CENPC: variants seen among roughly 807,000 people sequenced by gnomAD.
The protein encoded by CENPC is centromere protein C, also known as CENP-C 1.
CENPC carries 63 observed loss-of-function variants against 112.1 expected under a neutral mutation model. The observed-to-expected ratio is 0.56, with a 90% CI of 0.46 to 0.69. CENPC has a LOEUF of 0.69. Among genes scored for constraint, CENPC ranks in the 30% least tolerant of loss-of-function variants. CENPC has a pLI of 0.00. For missense variants in CENPC, 1,000 were observed against 1,103.8 expected, an observed-to-expected ratio of 0.91 and a Z score of 1.33; for synonymous variants, 333 against 367.6, an observed-to-expected ratio of 0.91 and a Z score of 1.08.
intron 17 of CENPC, among the ~76,000 whole-genome samples, chr4:67,487,913 C>CT (rs998399288): frequency 1.6e-4 from 24 of 151,340 alleles, no homozygotes; most frequent in African/African-American, 5.9e-4. Context: ...TGTTTATTAT[C>CT]TTTTTCAAAA....
At chr4:67,491,501 A>G (rs1331005597) in intron 16 of CENPC, among the ~76,000 whole-genome samples, 4 of 132,946 alleles carry the variant, frequency 3.0e-5, no homozygotes, top group East Asian at 4.8e-4. Flanking sequence ...AGAGAGAGAG[A>G]GAGAGAGAGA....
At chr4:67,486,053 T>C (rs936849435) in intron 17 of CENPC, among the ~76,000 whole-genome samples, 4 of 152,174 alleles carry the variant, frequency 2.6e-5, no homozygotes, top group African/African-American at 9.7e-5. Context: ...CATCCAAAAA[T>C]AATTTGCCTT....
chr4:67,488,256 G>A (rs1349733529), intron 17 of CENPC, among the ~76,000 whole-genome samples: 3 of 149,192 alleles, frequency 2.0e-5, no homozygotes, highest in Non-Finnish European at 4.4e-5. Flanking sequence ...AATGTGCTTA[G>A]TGCAGTACCT....
chr4:67,516,575 T>G (rs1031518813), intron 7 of CENPC, among the ~76,000 whole-genome samples: 15 of 151,964 alleles, frequency 9.9e-5, no homozygotes, highest in African/African-American at 3.6e-4. Flanking sequence ...AAATAGCAAA[T>G]ACTCTAAAAA....
At chr4:67,476,894 G>A (rs185608361) in intron 17 of CENPC, among the ~76,000 whole-genome samples, 12 of 152,288 alleles carry the variant, frequency 7.9e-5, no homozygotes, top group Admixed American at 7.2e-4. Flanking sequence ...CAGTCTGCCA[G>A]CTTCCCCCAC....
intron 8 of CENPC, among the ~76,000 whole-genome samples, chr4:67,512,793 A>T (rs1388177215): frequency 1.3e-5 from 2 of 152,134 alleles, no homozygotes; most frequent in African/African-American, 4.8e-5. Context: ...ACTGCTTGAT[A>T]ACTCTTATAT....
At chr4:67,524,346 G>T (rs1488859666) in intron 5 of CENPC, among the ~76,000 whole-genome samples, 1 of 135,950 alleles carries the variant, frequency 7.4e-6, no homozygotes, top group Non-Finnish European at 1.6e-5. Flanking sequence ...GCAAGAGAAA[G>T]AAATAAAGTG....
chr4:67,545,294 C>G, intron 1 of CENPC, 44 bp downstream of exon 1: 2 of 1,457,588 alleles, frequency 1.4e-6, no homozygotes, highest in Non-Finnish European at 1.8e-6. Context: ...CGTGCCCCAG[C>G]CAGCCGCTCA....
At chr4:67,484,464 CA>C (rs1199258025) in intron 17 of CENPC, among the ~76,000 whole-genome samples, 3 of 152,222 alleles carry the variant, frequency 2.0e-5, no homozygotes, top group African/African-American at 7.2e-5. Context: ...AGGTAAGCAG[CA>C]CGCCAGTGAG....
chr4:67,492,281 A>G lies in CENPC; in HGVS notation c.2420-6T>C. The G allele has an allele frequency of 2.0e-6, 3 of 1,526,316 alleles. No individual in the cohort carries two copies. The highest frequency in any genetic ancestry group is 2.7e-6 in the Non-Finnish European group (3 of 1,123,714). The allele number at this position is 1,526,316 out of a possible 1,614,324, so 94.5% of individuals were successfully genotyped here. A position where few individuals can be genotyped will look rare whatever the true frequency, so the allele number is the denominator to read the frequency against. ...ATTTACCATTAAGTTAGTCTCTGCA[A>G]AAGAAATACCATTGAAATACAAACT... On this transcript the variant is annotated splice_polypyrimidine_tract_variant and splice_region_variant and intron_variant, in intron 15 of 18. Transcript: ENST00000273853.
intron 17 of CENPC, among the ~76,000 whole-genome samples, chr4:67,487,831 C>A (rs1267109466): frequency 6.6e-6 from 1 of 151,616 alleles, no homozygotes; most frequent in Non-Finnish European, 1.5e-5. Context: ...ACCTACTACT[C>A]TTCTCTTTTA....
At chr4:67,489,411 G>T (rs1577976202) in intron 17 of CENPC, among the ~76,000 whole-genome samples, 1 of 151,396 alleles carries the variant, frequency 6.6e-6, no homozygotes, top group Non-Finnish European at 1.5e-5. Flanking sequence ...GAAGCAACTA[G>T]CTTAGTCCTG....
At chr4:67,482,550 A>C (rs1413942414) in intron 17 of CENPC, among the ~76,000 whole-genome samples, 1 of 152,248 alleles carries the variant, frequency 6.6e-6, no homozygotes, top group Non-Finnish European at 1.5e-5. Flanking sequence ...GTACCATAGA[A>C]TAGTACTCAA....
In CENPC at chr4:67,542,698, T is replaced by C. The variant is rs1373522526; in HGVS notation, c.65+1451A>G. Among the ~76,000 whole-genome samples the C allele has an allele frequency of 2.0e-5, 3 of 152,266 alleles. No individual in the cohort carries two copies. The East Asian group carries it at 5.8e-4, about 29-fold the overall frequency. On this transcript the variant is annotated intron_variant, in intron 2 of 18. Transcript: ENST00000273853. Reference sequence around the variant, plus strand: ...CAAACTGAAACCCAAAATGGTCAAATGGCCTACCTCAGTTTGTAAACCTAA... The same window carrying C: ...CAAACTGAAACCCAAAATGGTCAAACGGCCTACCTCAGTTTGTAAACCTAA...
chr4:67,474,756 G>C (rs1467006064), intron 18 of CENPC, 132 bp downstream of exon 18: 4 of 663,818 alleles, frequency 6.0e-6, no homozygotes, highest in South Asian at 5.2e-5. Flanking sequence ...TCAAATGAAA[G>C]GAAAATATGT....
chr4:67,540,237 C>T (rs1426929105), intron 3 of CENPC, among the ~76,000 whole-genome samples: 1 of 152,144 alleles, frequency 6.6e-6, no homozygotes, highest in Non-Finnish European at 1.5e-5. Flanking sequence ...TCTCTTATTC[C>T]AATACCTGCT....
At chr4:67,486,508 T>C (rs559296883) in intron 17 of CENPC, among the ~76,000 whole-genome samples, 81 of 152,226 alleles carry the variant, frequency 5.3e-4, no homozygotes, top group Non-Finnish European at 1.1e-3. Flanking sequence ...CAGTGATTGG[T>C]TGATCTGTTT....
chr4:67,533,389 T>G (rs560219422), intron 4 of CENPC, among the ~76,000 whole-genome samples: 1 of 152,282 alleles, frequency 6.6e-6, no homozygotes, highest in Non-Finnish European at 1.5e-5. Context: ...TTCCCAGTCT[T>G]AGGAATGTTT....
chr4:67,541,085 A>G, intron 2 of CENPC, 35 bp from the exon 3 acceptor site: 1 of 1,407,402 alleles, frequency 7.1e-7, no homozygotes, highest in Non-Finnish European at 9.9e-7. Flanking sequence ...TCATTTTCAG[A>G]AGATATTTCT....
Sources: gnomAD v4.1 joint callset for allele counts (sites outside exome capture counted in the v4.1 genomes callset) on GRCh38, gnomAD v4.1.1 for gene constraint, MANE v1.5 for transcripts, NCBI Gene and HGNC (gene_info 2026-07-23, HGNC 2026-07-21) for gene names.